ZNF362: variants seen among roughly 807,000 people sequenced by gnomAD.
ZNF362 encodes zinc finger protein 362, also known as rotund homolog.
A neutral mutation model predicts 42.9 loss-of-function variants in ZNF362; 11 were observed. That is an observed-to-expected ratio of 0.26 (90% CI 0.16 to 0.42). The LOEUF (loss-of-function observed/expected upper bound fraction) is 0.42. ZNF362 is among the 20% of genes least tolerant of loss of function. The probability of loss-of-function intolerance (pLI) is 1.00; values close to 1 mark genes in which losing one functional copy is unlikely to be tolerated. For missense variants in ZNF362, 362 were observed against 576.2 expected (o/e 0.63, Z 3.81); for synonymous variants, 255 against 257.3 (o/e 0.99, Z 0.09).
the ZNF362 span, among the ~76,000 whole-genome samples, chr1:33,224,371 G>C: frequency 6.6e-6 from 1 of 152,178 alleles, no homozygotes; most frequent in Non-Finnish European, 1.5e-5. Context: ...ACTGGAAATA[G>C]ATCAAATTTC....
chr1:33,159,822 G>C, the ZNF362 span: 1 of 1,613,822 alleles, frequency 6.2e-7, no homozygotes, highest in Non-Finnish European at 8.5e-7. This position sits in a 1 kb window ranked among gnomAD's most constrained non-coding sequence, Gnocchi z 4.2. Context: ...GCTCGATGTC[G>C]GTCAGCGTGC....
chr1:33,203,170 T>C, the ZNF362 span, among the ~76,000 whole-genome samples: 1 of 152,210 alleles, frequency 6.6e-6, no homozygotes, highest in Non-Finnish European at 1.5e-5. Context: ...TTATTCTCCA[T>C]CTTTCTGACT....
At chr1:33,264,013 G>A (rs907307435) in intron 1 of ZNF362, among the ~76,000 whole-genome samples, 2 of 152,222 alleles carry the variant, frequency 1.3e-5, no homozygotes, top group East Asian at 3.9e-4. Context: ...CCTGCTTGGG[G>A]CCTGCTCTGT....
At chr1:33,179,879 T>TA in the ZNF362 span, among the ~76,000 whole-genome samples, 3 of 152,072 alleles carry the variant, frequency 2.0e-5, no homozygotes, top group Admixed American at 6.6e-5. Flanking sequence ...TCTAAGCTTT[T>TA]AATATGCAAA....
chr1:33,188,387 T>A, the ZNF362 span, among the ~76,000 whole-genome samples: 1 of 152,194 alleles, frequency 6.6e-6, no homozygotes, highest in Non-Finnish European at 1.5e-5. Context: ...AATAACATGG[T>A]CATGTGCTCA....
In ZNF362 at chr1:33,280,547, C is replaced by T; in HGVS notation, c.683+90C>T. On this transcript the variant is annotated intron_variant, in intron 5 of 8. Transcript: ENST00000539719. The surrounding 1 kb of genome is among the most constrained non-coding windows in gnomAD (Gnocchi z 5.6). ...CAGGAGCCCAGCAGCGGGGCTGAAA[C>T]AGGACCCTTAGGGCTGAGGGGCAGG... is the stretch of plus-strand genomic sequence containing the variant. 1 of 1,465,458 alleles carries T rather than the reference C, an allele frequency of 6.8e-7. No individual in the cohort carries two copies. The highest frequency in any genetic ancestry group is 9.1e-7 in the Non-Finnish European group (1 of 1,103,858). 90.8% of individuals were successfully genotyped at this position (1,465,458 alleles called of 1,614,324 possible).
the ZNF362 span, among the ~76,000 whole-genome samples, chr1:33,221,250 G>C: frequency 6.6e-6 from 1 of 152,332 alleles, no homozygotes; most frequent in Non-Finnish European, 1.5e-5. Context: ...GCAGGCAGAG[G>C]AGTGAGGTAC....
intron 6 of ZNF362, among the ~76,000 whole-genome samples, chr1:33,286,636 A>G (rs1466146606): frequency 1.3e-5 from 2 of 152,200 alleles, no homozygotes; most frequent in African/African-American, 2.4e-5. Context: ...AATTAAACTG[A>G]TATGTCCTAA....
intron 4 of ZNF362, among the ~76,000 whole-genome samples, chr1:33,279,646 C>CTTTTTTTTTTTTT (rs567406398): frequency 1.4e-5 from 2 of 147,344 alleles, no homozygotes. Context: ...AGTTAAGCCT[C>CTTTTTTTTTTTTT]TTTTTTTTTT....
the ZNF362 span, chr1:33,195,825 A>G: frequency 6.6e-6 from 1 of 152,144 alleles, no homozygotes; most frequent in Admixed American, 6.5e-5. Flanking sequence ...TAAACACTGT[A>G]CACTATGGCT....
the ZNF362 span, among the ~76,000 whole-genome samples, chr1:33,136,166 CCTTCCT>C: frequency 4.1e-3 from 607 of 149,102 alleles, 6 homozygotes; most frequent in African/African-American, 0.014. Flanking sequence ...TTCCTTCCTT[CCTTCCT>C]TCCCTCCCTC....
chr1:33,146,939 A>G, the ZNF362 span: 4 of 557,740 alleles, frequency 7.2e-6, no homozygotes, highest in African/African-American at 5.7e-5. Context: ...GCCATGTCAC[A>G]TCCTTGGATC....
the ZNF362 span, among the ~76,000 whole-genome samples, chr1:33,218,200 G>A: frequency 6.6e-6 from 1 of 152,210 alleles, no homozygotes; most frequent in African/African-American, 2.4e-5. Flanking sequence ...CAGCACTTTG[G>A]AAGGCCAAGG....
At chr1:33,157,754 T>C in the ZNF362 span, among the ~76,000 whole-genome samples, 1 of 152,014 alleles carries the variant, frequency 6.6e-6, no homozygotes, top group Non-Finnish European at 1.5e-5. Context: ...TCATGTTTTT[T>C]TTTTTTCTTC....
At chr1:33,248,585 T>C in the ZNF362 span, among the ~76,000 whole-genome samples, 1 of 152,194 alleles carries the variant, frequency 6.6e-6, no homozygotes, top group Non-Finnish European at 1.5e-5. Context: ...AATCCAGTGA[T>C]GGCCCCAAGA....
intron 1 of ZNF362, among the ~76,000 whole-genome samples, chr1:33,259,800 C>G (rs537167255): frequency 1.3e-5 from 2 of 152,236 alleles, no homozygotes. Context: ...GGGGAGGTCT[C>G]TCAGAGAATG....
chr1:33,243,021 AT>A, the ZNF362 span, among the ~76,000 whole-genome samples: 1 of 151,668 alleles, frequency 6.6e-6, no homozygotes, highest in Non-Finnish European at 1.5e-5. Flanking sequence ...TTTCTGTTCT[AT>A]TTTTTTCGCA....
intron 6 of ZNF362, among the ~76,000 whole-genome samples, chr1:33,286,708 A>C (rs912027468): frequency 6.6e-6 from 1 of 152,190 alleles, no homozygotes; most frequent in South Asian, 2.1e-4. Flanking sequence ...TTAGACAAAC[A>C]AACAAACAAA....
chr1:33,213,517 G>GTAA, the ZNF362 span, among the ~76,000 whole-genome samples: 3 of 151,888 alleles, frequency 2.0e-5, no homozygotes, highest in African/African-American at 7.3e-5. Flanking sequence ...GATTACTATA[G>GTAA]TAATAATAAT....
Sources: allele counts gnomAD v4.1 joint callset (sites outside exome capture counted in the v4.1 genomes callset), GRCh38; gene constraint gnomAD v4.1.1; non-coding constraint Gnocchi (gnomAD v3.1); transcripts MANE v1.5; gene names NCBI Gene and HGNC (gene_info 2026-07-23, HGNC 2026-07-21).